Variants in ELP4 observed in about 807,000 individuals in gnomAD.
ELP4 encodes the protein elongator complex protein 4.
In ELP4, 51 loss-of-function variants were observed where a neutral mutation model predicts 48.9. The ratio of observed to expected loss-of-function variants is 1.04; its 90% CI spans 0.83 to 1.32. The LOEUF (loss-of-function observed/expected upper bound fraction) is 1.32. ELP4 is among the 40% of genes most tolerant of loss of function. ELP4 has a pLI of 0.00. For synonymous variants in ELP4, 210 were observed against 189.2 expected (o/e 1.11, Z -0.90); for missense variants, 519 against 514.6 (o/e 1.01, Z -0.08).
chr11:31,594,912 A>G lies in ELP4; in HGVS notation c.513+11A>G, dbSNP rs748052919. On this transcript the variant is annotated intron_variant, in intron 4 of 9. Transcript: ENST00000640961. ...TTACCCAAGATGGAGGCAAGTAAACATACAAATTCTTTCCAAAATTTGCAA... is the reference window on the plus strand; with the variant it reads ...TTACCCAAGATGGAGGCAAGTAAACGTACAAATTCTTTCCAAAATTTGCAA... The G allele has an allele frequency of 3.2e-6, 5 of 1,547,436 alleles. No homozygotes were observed. The highest frequency in any genetic ancestry group is 1.3e-5 in the South Asian group (1 of 76,926).
In ELP4 at chr11:31,790,119, A is replaced by AAAAC. The variant is rs1554982404; in HGVS notation, c.*6596_*6597insAACA. On this transcript the variant is annotated 3_prime_UTR_variant, in exon 10 of 10. Transcript: ENST00000640961. ...TTACAAAAAAAAAAAAAAAAAAAAA[A>AAAAC]ACTAATACTTTCTAACATTTTTTAC... is the stretch of plus-strand genomic sequence containing the variant. 6.3e-5 allele frequency: 49 copies of AAAAC among 771,958 alleles called. No homozygotes were observed. The African/African-American group carries it at 8.9e-4, about 14-fold the overall frequency. 47.8% of individuals were successfully genotyped at this position (771,958 alleles called of 1,614,324 possible). A position where few individuals can be genotyped will look rare whatever the true frequency, so the allele number is the denominator to read the frequency against.
At chr11:31,719,080 G>A (rs1047938198) in intron 9 of ELP4, among the ~76,000 whole-genome samples, 7 of 151,938 alleles carry the variant, frequency 4.6e-5, no homozygotes, top group African/African-American at 1.7e-4. Context: ...GCAACATATT[G>A]GGACCTCGTC....
intron 9 of ELP4, chr11:31,682,025 G>A (rs1227124760): frequency 1.6e-6 from 2 of 1,288,306 alleles, no homozygotes; most frequent in Non-Finnish European, 1.0e-6. Flanking sequence ...ACAGGCATGA[G>A]CTACCGCGCC....
At chr11:31,704,235 A>G (rs925646794) in intron 9 of ELP4, among the ~76,000 whole-genome samples, 1 of 152,154 alleles carries the variant, frequency 6.6e-6, no homozygotes. Context: ...ACTAAAAAAA[A>G]AAAAATCTCA....
chr11:31,635,219 G>A (rs553551962), intron 7 of ELP4, among the ~76,000 whole-genome samples: 16 of 152,100 alleles, frequency 1.1e-4, no homozygotes, highest in Non-Finnish European at 2.2e-4. Context: ...ATTGCAAGCA[G>A]TATGCTTAGA....
intron 9 of ELP4, among the ~76,000 whole-genome samples, chr11:31,706,698 C>T (rs1255927691): frequency 6.6e-6 from 1 of 151,226 alleles, no homozygotes; most frequent in Non-Finnish European, 1.5e-5. Context: ...TATAAATGTA[C>T]ATCCTTTAAC....
rs1375745965 is a variant in ELP4, at chr11:31,783,542, C to T, written c.*18C>T. On this transcript the variant is annotated 3_prime_UTR_variant, in exon 10 of 10. Transcript: ENST00000640961. The stretch of plus-strand genomic sequence containing the variant: ...ACTTCTAGGGATTCCTCCTTAGTCG[C>T]TGCATGCAGAATTCTATGACACTCT... The T allele has an allele frequency of 1.9e-6, 3 of 1,610,818 alleles. No individual in the cohort carries two copies. The South Asian group carries it at 3.3e-5, about 18-fold the overall frequency.
intron 9 of ELP4, among the ~76,000 whole-genome samples, chr11:31,766,439 G>A (rs1592292487): frequency 6.6e-6 from 1 of 152,024 alleles, no homozygotes; most frequent in Admixed American, 6.6e-5. Context: ...TGAGTCCCTT[G>A]AATTGACATA....
chr11:31,744,298 A>G (rs1332779942), intron 9 of ELP4, among the ~76,000 whole-genome samples: 1 of 152,228 alleles, frequency 6.6e-6, no homozygotes, highest in Non-Finnish European at 1.5e-5. Context: ...TTCACAGCCG[A>G]ATTCTACCAG....
intron 3 of ELP4, among the ~76,000 whole-genome samples, chr11:31,540,007 G>A (rs2133906888): frequency 6.6e-6 from 1 of 152,238 alleles, no homozygotes; most frequent in African/African-American, 2.4e-5. Flanking sequence ...GTTCATATGA[G>A]AGTTGGGGAA....
At chr11:31,630,512 A>T (rs887609790) in intron 6 of ELP4, among the ~76,000 whole-genome samples, 1 of 151,900 alleles carries the variant, frequency 6.6e-6, no homozygotes, top group Admixed American at 6.6e-5. Flanking sequence ...TATTTTTAGT[A>T]GAGACAGGGT....
At chr11:31,569,456 A>T (rs1209788476) in intron 3 of ELP4, among the ~76,000 whole-genome samples, 2 of 152,208 alleles carry the variant, frequency 1.3e-5, no homozygotes, top group African/African-American at 4.8e-5. Context: ...TTCTCAAAAG[A>T]ACACATACAA....
At chr11:31,589,466 T>A (rs899363962) in intron 3 of ELP4, among the ~76,000 whole-genome samples, 1 of 152,150 alleles carries the variant, frequency 6.6e-6, no homozygotes, top group African/African-American at 2.4e-5. Flanking sequence ...ATCTAGTGCC[T>A]CTTTTATGTA....
At chr11:31,712,170 T>A (rs1003421105) in intron 9 of ELP4, among the ~76,000 whole-genome samples, 1 of 152,014 alleles carries the variant, frequency 6.6e-6, no homozygotes, top group Non-Finnish European at 1.5e-5. Flanking sequence ...TTAATTTCAC[T>A]AACTATGGCA....
At chr11:31,763,533 G>C in intron 9 of ELP4, 3 of 1,609,426 alleles carry the variant, frequency 1.9e-6, no homozygotes, top group Non-Finnish European at 2.5e-6. Context: ...CATTTTTAAT[G>C]AGCTTCCTTG....
chr11:31,734,301 A>G (rs963530843), intron 9 of ELP4, among the ~76,000 whole-genome samples: 1 of 152,236 alleles, frequency 6.6e-6, no homozygotes, highest in African/African-American at 2.4e-5. Flanking sequence ...AAGATCAGGA[A>G]CAAGGCAAGG....
At chr11:31,695,865 G>C (rs1304871215) in intron 9 of ELP4, among the ~76,000 whole-genome samples, 1 of 149,590 alleles carries the variant, frequency 6.7e-6, no homozygotes, top group East Asian at 2.0e-4. Context: ...TGTCTATTCA[G>C]GGATTCAACT....
At chr11:31,569,301 A>G (rs184106235) in intron 3 of ELP4, among the ~76,000 whole-genome samples, 6 of 152,282 alleles carry the variant, frequency 3.9e-5, no homozygotes, top group Admixed American at 1.3e-4. Context: ...TGTCAATGGG[A>G]TAAACTAACA....
At chr11:31,775,500 A>G (rs567044751) in intron 9 of ELP4, among the ~76,000 whole-genome samples, 3 of 152,312 alleles carry the variant, frequency 2.0e-5, no homozygotes, top group South Asian at 4.1e-4. Flanking sequence ...AGTCATTTGG[A>G]CAGGGAATTC....
Sources: allele counts gnomAD v4.1 joint callset (sites outside exome capture counted in the v4.1 genomes callset), GRCh38; gene constraint gnomAD v4.1.1; transcripts MANE v1.5; gene names NCBI Gene and HGNC (gene_info 2026-07-23, HGNC 2026-07-21).